GREB1L: variants seen among roughly 807,000 people sequenced by gnomAD.
GREB1L encodes the protein GREB1-like protein.
A neutral mutation model predicts 200.8 loss-of-function variants in GREB1L; 17 were observed. The ratio of observed to expected loss-of-function variants is 0.08; its 90% CI spans 0.06 to 0.13. GREB1L has a LOEUF of 0.13. GREB1L is among the 10% of genes least tolerant of loss of function. The pLI, the probability that GREB1L is intolerant of heterozygous loss-of-function variation, is 1.00. For synonymous variants in GREB1L, 789 were observed against 893.0 expected (o/e 0.88, Z 2.08); for missense variants, 1,657 against 2,367.7 (o/e 0.70, Z 6.23).
chr18:21,469,099 A>T (rs546170410), intron 15 of GREB1L, among the ~76,000 whole-genome samples: 8 of 152,230 alleles, frequency 5.3e-5, no homozygotes, highest in Non-Finnish European at 1.2e-4. Flanking sequence ...CAATGGTAAT[A>T]TCCTGTTTTC....
chr18:21,511,950 C>A (rs1431614129), intron 27 of GREB1L, among the ~76,000 whole-genome samples: 1 of 152,190 alleles, frequency 6.6e-6, no homozygotes. Flanking sequence ...CAGCCCCCAA[C>A]TGTGTTTGTT....
chr18:21,304,923 CAGAG>C (rs1449302549), intron 1 of GREB1L, among the ~76,000 whole-genome samples: 1 of 152,100 alleles, frequency 6.6e-6, no homozygotes, highest in African/African-American at 2.4e-5. Flanking sequence ...TGTCAACTAT[CAGAG>C]AGGCCTTTCC....
chr18:21,519,380 G>A (rs576695022), intron 31 of GREB1L, among the ~76,000 whole-genome samples: 36 of 152,174 alleles, frequency 2.4e-4, no homozygotes, highest in African/African-American at 8.4e-4. Flanking sequence ...GGAAGATCAC[G>A]TGACCCCAGG....
intron 1 of GREB1L, among the ~76,000 whole-genome samples, chr18:21,265,645 T>C (rs2037954970): frequency 1.3e-5 from 2 of 152,150 alleles, no homozygotes; most frequent in African/African-American, 4.8e-5. Context: ...GACAAGGTGT[T>C]CTTTGGGTTG....
intron 7 of GREB1L, among the ~76,000 whole-genome samples, chr18:21,411,850 C>A (rs1038029494): frequency 6.6e-6 from 1 of 150,590 alleles, no homozygotes; most frequent in African/African-American, 2.4e-5. Flanking sequence ...TCGAGACCAT[C>A]CTGGCTAACA....
intron 7 of GREB1L, among the ~76,000 whole-genome samples, chr18:21,436,977 C>A (rs1206520007): frequency 6.6e-6 from 1 of 152,088 alleles, no homozygotes; most frequent in Admixed American, 6.5e-5. Context: ...ACCCAAAGTG[C>A]TGGGATTACA....
chr18:21,409,689 A>G (rs1205343580), intron 7 of GREB1L, among the ~76,000 whole-genome samples: 9 of 152,192 alleles, frequency 5.9e-5, no homozygotes, highest in Non-Finnish European at 1.2e-4. Context: ...TAAACAGCAC[A>G]GGGCTGGGAG....
chr18:21,302,204 G>C lies in GREB1L; in HGVS notation c.-120+59811G>C, dbSNP rs533698145. Among the ~76,000 whole-genome samples the C allele has an allele frequency of 6.6e-5, 10 of 152,258 alleles. No individual in the cohort carries two copies. In the East Asian group the frequency reaches 1.9e-3, roughly 29 times the overall value. On this transcript the variant is annotated intron_variant, in intron 1 of 32. Transcript: ENST00000424526. ...GTATGCAACTTTTTCTGGGATGGAG[G>C]GTGGAAGATTCAAAGAAAGACACCT...
chr18:21,462,211 A>G (rs2035072837), intron 15 of GREB1L, among the ~76,000 whole-genome samples: 2 of 152,234 alleles, frequency 1.3e-5, no homozygotes, highest in African/African-American at 4.8e-5. Context: ...GTGGAGTTGG[A>G]AAGGTGTGAC....
At chr18:21,388,208 G>A (rs142257963) in intron 4 of GREB1L, among the ~76,000 whole-genome samples, 179 of 152,118 alleles carry the variant, frequency 1.2e-3, no homozygotes, top group African/African-American at 4.2e-3. Context: ...TGCCTGTGTG[G>A]CTTGTATTGG....
In GREB1L at chr18:21,445,479, A is replaced by AAAAAG. The variant is rs556021180; in HGVS notation, c.1393+1090_1393+1094dup. Among the ~76,000 whole-genome samples, 549 of 152,296 alleles carry AAAAAG rather than the reference A, an allele frequency of 3.6e-3. 3 individuals carry two copies. Among genetic ancestry groups the AAAAAG allele is most frequent in the Non-Finnish European group, 6.0e-3 (408 of 68,014 alleles). ...ACAAGAGTGAAACTCCATCTCAAAA[A>AAAAAG]AAAAGAAAAGAAAAGAAAAGAAAAA... On this transcript the variant is annotated intron_variant, in intron 11 of 32. Coordinates refer to ENST00000424526, the MANE Select transcript of GREB1L (RefSeq NM_001142966.3).
chr18:21,318,105 C>CAAAA (rs61304976), intron 1 of GREB1L, among the ~76,000 whole-genome samples: 2 of 89,664 alleles, frequency 2.2e-5, no homozygotes, highest in African/African-American at 3.8e-5. Context: ...GAGATTCCGT[C>CAAAA]AAAAAAAAAA....
At chr18:21,436,717 T>TGTGTGTGTGTGTG (rs1568009671) in intron 7 of GREB1L, among the ~76,000 whole-genome samples, 2 of 147,864 alleles carry the variant, frequency 1.4e-5, no homozygotes, top group African/African-American at 5.0e-5. Context: ...TGTGTGTGTG[T>TGTGTGTGTGTGTG]TTTCTTTTTC....
intron 2 of GREB1L, among the ~76,000 whole-genome samples, chr18:21,376,828 A>AG (rs1567961345): frequency 6.6e-6 from 1 of 151,690 alleles, no homozygotes; most frequent in African/African-American, 2.4e-5. Flanking sequence ...AAAAAAAAAA[A>AG]AAAAAGAAAG....
At chr18:21,303,281 G>A (rs550428297) in intron 1 of GREB1L, among the ~76,000 whole-genome samples, 2 of 152,286 alleles carry the variant, frequency 1.3e-5, no homozygotes, top group South Asian at 4.2e-4. Context: ...CACCCTCTGG[G>A]TGCAGTTACT....
At chr18:21,438,023 A>T (rs943051163) in intron 7 of GREB1L, among the ~76,000 whole-genome samples, 16 of 152,138 alleles carry the variant, frequency 1.1e-4, no homozygotes, top group Admixed American at 1.0e-3. Flanking sequence ...GCTCATGCCT[A>T]TAATTTCAGC....
chr18:21,357,318 T>C (rs1165259082), intron 1 of GREB1L, among the ~76,000 whole-genome samples: 5 of 152,226 alleles, frequency 3.3e-5, no homozygotes, highest in East Asian at 3.8e-4. Flanking sequence ...TCCCAAAGTG[T>C]TGGGATTACA....
chr18:21,389,718 G>A (rs1398184142), intron 4 of GREB1L, among the ~76,000 whole-genome samples: 1 of 152,062 alleles, frequency 6.6e-6, no homozygotes, highest in Non-Finnish European at 1.5e-5. Flanking sequence ...GCAATGTATT[G>A]CTTGAGAAAG....
intron 5 of GREB1L, 124 bp from the exon 6 acceptor site, chr18:21,401,026 A>G: frequency 1.3e-6 from 1 of 746,734 alleles, no homozygotes. Context: ...TTCCCTCTGA[A>G]TTATTTCCTT....
Sources: gnomAD v4.1 joint callset for allele counts (sites outside exome capture counted in the v4.1 genomes callset) on GRCh38, gnomAD v4.1.1 for gene constraint, MANE v1.5 for transcripts, NCBI Gene and HGNC (gene_info 2026-07-23, HGNC 2026-07-21) for gene names.